The following FMO1 variants were observed in gnomAD, a reference collection of about 807,000 sequenced individuals.
FMO1 encodes flavin-containing monooxygenase 1.
FMO1 carries 36 observed loss-of-function variants against 45.4 expected under a neutral mutation model. The ratio of observed to expected loss-of-function variants is 0.79; its 90% CI spans 0.61 to 1.05. The LOEUF is 1.05. Among genes scored for constraint, FMO1 ranks in the 50% least tolerant of loss-of-function variants. FMO1 has a pLI of 0.00. For synonymous variants in FMO1, 228 were observed against 227.2 expected (o/e 1.00, Z -0.03); for missense variants, 615 against 640.3 (o/e 0.96, Z 0.43).
At chr1:171,269,060 G>T (rs1370250845) in intron 3 of FMO1, among the ~76,000 whole-genome samples, 2 of 152,148 alleles carry the variant, frequency 1.3e-5, no homozygotes, top group South Asian at 2.1e-4. Flanking sequence ...CACCATGATT[G>T]TGAGGCTTCC....
chr1:171,265,890 G>A (rs898730534), intron 2 of FMO1, among the ~76,000 whole-genome samples: 1 of 152,144 alleles, frequency 6.6e-6, no homozygotes, highest in Non-Finnish European at 1.5e-5. Context: ...GGCTCACAGA[G>A]GTATGTTGAT....
chr1:171,278,304 A>T (rs1378217943), intron 4 of FMO1, among the ~76,000 whole-genome samples: 1 of 152,180 alleles, frequency 6.6e-6, no homozygotes. Context: ...GAGATCAAAA[A>T]GTTTTCTGAA....
chr1:171,282,990 A>G (rs1661427486), intron 7 of FMO1, 154 bp from the exon 8 acceptor site: 4 of 553,226 alleles, frequency 7.2e-6, no homozygotes, highest in Non-Finnish European at 1.3e-5. Flanking sequence ...GCATACAACC[A>G]GTCAGCTCAG....
chr1:171,267,830 A>G, intron 3 of FMO1, 99 bp downstream of exon 3: 1 of 829,144 alleles, frequency 1.2e-6, no homozygotes, highest in Non-Finnish European at 1.9e-6. Flanking sequence ...GAGATACTAA[A>G]CTGGCAATAT....
intron 3 of FMO1, 148 bp from the exon 4 acceptor site, chr1:171,275,198 C>A: frequency 1.8e-6 from 1 of 568,956 alleles, no homozygotes; most frequent in Non-Finnish European, 2.9e-6. Flanking sequence ...ATGATTAGTC[C>A]GGTAACCTGA....
At chr1:171,253,985 ACAAT>A (rs1238523538) in intron 1 of FMO1, 2 of 152,246 alleles carry the variant, frequency 1.3e-5, no homozygotes, top group African/African-American at 2.4e-5. Flanking sequence ...GTAACTGTAA[ACAAT>A]CAATCGAGTT....
intron 2 of FMO1, among the ~76,000 whole-genome samples, chr1:171,267,041 C>T (rs1450832563): frequency 6.6e-6 from 1 of 152,216 alleles, no homozygotes; most frequent in East Asian, 1.9e-4. Flanking sequence ...ATGTGTTCTA[C>T]CTTACCGCCA....
chr1:171,282,675 A>G (rs1661410581), intron 7 of FMO1: 1 of 233,454 alleles, frequency 4.3e-6, no homozygotes, highest in Non-Finnish European at 8.3e-6. Flanking sequence ...GGCTATTTAT[A>G]GGCATGATCA....
chr1:171,253,563 A>G (rs562929876), intron 1 of FMO1, among the ~76,000 whole-genome samples: 1 of 152,238 alleles, frequency 6.6e-6, no homozygotes, highest in Non-Finnish European at 1.5e-5. Flanking sequence ...GGAGTTCGAG[A>G]CCAGCCTAAC....
At chr1:171,265,316 G>A (rs188625400) in intron 2 of FMO1, among the ~76,000 whole-genome samples, 70 of 151,308 alleles carry the variant, frequency 4.6e-4, no homozygotes, top group African/African-American at 1.4e-3. Flanking sequence ...GCATGAACCC[G>A]GGAGGCAGAG....
At chr1:171,283,859 A>T (rs1435710911) in intron 8 of FMO1, among the ~76,000 whole-genome samples, 2 of 152,218 alleles carry the variant, frequency 1.3e-5, no homozygotes, top group African/African-American at 4.8e-5. Flanking sequence ...GTTGTTTAGC[A>T]GTTGAGATAG....
chr1:171,269,050 C>T (rs1660739646), intron 3 of FMO1, among the ~76,000 whole-genome samples: 1 of 152,156 alleles, frequency 6.6e-6, no homozygotes, highest in African/African-American at 2.4e-5. Context: ...CTTTATCTTC[C>T]ACCATGATTG....
At chr1:171,268,620 C>CT (rs1159722994) in intron 3 of FMO1, among the ~76,000 whole-genome samples, 2 of 151,180 alleles carry the variant, frequency 1.3e-5, no homozygotes, top group Non-Finnish European at 3.0e-5. Context: ...TTTTTTTTTC[C>CT]TTTTTTTCTC....
At chr1:171,278,901 C>A (rs751131056) in intron 5 of FMO1, 30 bp downstream of exon 5, 1 of 1,553,476 alleles carries the variant, frequency 6.4e-7, no homozygotes, top group Non-Finnish European at 8.7e-7. Context: ...GGGTGAAGAG[C>A]TTTATCTTAA....
chr1:171,259,959 T>G (rs2101802368), intron 2 of FMO1, among the ~76,000 whole-genome samples: 1 of 152,246 alleles, frequency 6.6e-6, no homozygotes, highest in African/African-American at 2.4e-5. Context: ...TGTGAGCATT[T>G]CATTGAGAGC....
At chr1:171,274,800 G>A (rs1558014032) in intron 3 of FMO1, among the ~76,000 whole-genome samples, 1 of 152,130 alleles carries the variant, frequency 6.6e-6, no homozygotes, top group Non-Finnish European at 1.5e-5. Context: ...TACTCACTAA[G>A]AGCAAAAAAT....
intron 1 of FMO1, among the ~76,000 whole-genome samples, chr1:171,256,106 T>C (rs1660137992): frequency 6.6e-6 from 1 of 151,798 alleles, no homozygotes; most frequent in African/African-American, 2.4e-5. Flanking sequence ...ACCCCGTCTC[T>C]ACTAAAAATA....
At chr1:171,271,540 C>T (rs1234780362) in intron 3 of FMO1, 6 of 829,218 alleles carry the variant, frequency 7.2e-6, no homozygotes, top group African/African-American at 1.7e-5. Context: ...ACAAAAAATG[C>T]ATATGATGAC....
intron 3 of FMO1, among the ~76,000 whole-genome samples, chr1:171,272,920 G>T (rs1328235335): frequency 6.6e-6 from 1 of 152,138 alleles, no homozygotes; most frequent in Admixed American, 6.5e-5. Context: ...TGTTGGGAAG[G>T]CATAATTGCT....
Sources: allele counts gnomAD v4.1 joint callset (sites outside exome capture counted in the v4.1 genomes callset), GRCh38; gene constraint gnomAD v4.1.1; transcripts MANE v1.5; gene names NCBI Gene and HGNC (gene_info 2026-07-23, HGNC 2026-07-21).